Variants in MGAM2 observed in about 807,000 individuals in gnomAD.
MGAM2 encodes probable maltase-glucoamylase 2.
Under a neutral mutation model 96.1 loss-of-function variants are expected in MGAM2, and 98 were observed. That is an observed-to-expected ratio of 1.02 (90% CI 0.87 to 1.21). MGAM2 has a LOEUF of 1.21. MGAM2 is among the 50% of genes most tolerant of loss of function. The pLI is 0.00. For missense variants in MGAM2, 2,055 were observed against 1,182.4 expected (o/e 1.74, Z -10.82); for synonymous variants, 749 against 414.8 (o/e 1.81, Z -9.79).
chr7:142,136,577 T>G lies in MGAM2; in HGVS notation c.784T>G (p.Leu262Val). 1 of 702,692 alleles carries G rather than the reference T, an allele frequency of 1.4e-6. No individual in the cohort carries two copies. The highest frequency in any genetic ancestry group is 2.6e-6 in the Non-Finnish European group (1 of 384,532). The allele number at this position is 702,692 out of a possible 1,614,324, so 43.5% of individuals were successfully genotyped here. A position where few individuals can be genotyped will look rare whatever the true frequency, so the allele number is the denominator to read the frequency against. The change falls in exon 8 of 48, where the codon TTG becomes GTG. Residue 262 changes from leucine to valine, a missense_variant. Coordinates refer to ENST00000477922, the MANE Select transcript of MGAM2 (RefSeq NM_001293626.2). Reference sequence around the variant, plus strand: ...TCTGTATGGAGCTCATACATTCTTCTTGTGCCTTGAAGATGCCAGGGGCTC... The same window carrying G: ...TCTGTATGGAGCTCATACATTCTTCGTGTGCCTTGAAGATGCCAGGGGCTC... Reference protein sequence around the residue: ...INLYGAHTFFLCLEDARGSSF... With the variant: ...INLYGAHTFFVCLEDARGSSF...
At chr7:142,164,386 A>G (rs975010271) in intron 23 of MGAM2, among the ~76,000 whole-genome samples, 8 of 152,204 alleles carry the variant, frequency 5.3e-5, no homozygotes, top group African/African-American at 1.9e-4. Flanking sequence ...ATGAAGTAAT[A>G]CATGTCAAAT....
intron 3 of MGAM2, among the ~76,000 whole-genome samples, chr7:142,129,724 C>T: frequency 6.8e-6 from 1 of 146,840 alleles, no homozygotes; most frequent in African/African-American, 2.5e-5. Flanking sequence ...ACTCAGGAGG[C>T]TGAGGCAGTA....
rs1797936821 is a variant in MGAM2 at position 142,221,729 on chromosome 7, T to C, written c.7218T>C (p.Ala2406=). 1 of 409,354 alleles carries C rather than the reference T, an allele frequency of 2.4e-6. No individual in the cohort carries two copies. The highest frequency in any genetic ancestry group is 4.3e-6 in the Non-Finnish European group (1 of 231,652). The allele number at this position is 409,354 out of a possible 1,614,324, so 25.4% of individuals were successfully genotyped here. Residue 2406 remains alanine, a synonymous_variant, in exon 48 of 48, where the codon GCT becomes GCC. Transcript: ENST00000477922. ...TTLALSHTSL[A]PTNLSNLGTM... Reference sequence around the variant, plus strand: ...TGGCCTTAAGCCACACCTCATTAGCTCCTACAAATCTTTCTAATCTAGGCA... The same window carrying C: ...TGGCCTTAAGCCACACCTCATTAGCCCCTACAAATCTTTCTAATCTAGGCA...
intron 6 of MGAM2, among the ~76,000 whole-genome samples, chr7:142,133,311 G>A (rs1585149735): frequency 6.9e-6 from 1 of 145,506 alleles, no homozygotes; most frequent in South Asian, 2.1e-4. Context: ...TATTTAATAT[G>A]TTTATTTGTA....
intron 1 of MGAM2, among the ~76,000 whole-genome samples, chr7:142,115,710 T>A (rs1271795622): frequency 1.3e-5 from 2 of 152,058 alleles, no homozygotes; most frequent in Non-Finnish European, 2.9e-5. Flanking sequence ...CAGGGCATGG[T>A]GACGCATGCC....
At chr7:142,150,353 C>T (rs1260578080) in intron 15 of MGAM2, among the ~76,000 whole-genome samples, 1 of 152,160 alleles carries the variant, frequency 6.6e-6, no homozygotes, top group African/African-American at 2.4e-5. Context: ...CACATACGAT[C>T]AGTCCTTGAT....
chr7:142,147,206 C>T (rs1795413199), intron 14 of MGAM2, among the ~76,000 whole-genome samples: 1 of 152,144 alleles, frequency 6.6e-6, no homozygotes, highest in South Asian at 2.1e-4. Context: ...TCTCAGTTGC[C>T]TCCCCTCACC....
intron 1 of MGAM2, among the ~76,000 whole-genome samples, chr7:142,114,008 G>A (rs1817266838): frequency 6.6e-6 from 1 of 151,856 alleles, no homozygotes; most frequent in Admixed American, 6.6e-5. Flanking sequence ...GCGGGTGCCT[G>A]TAGTCCTAGC....
intron 17 of MGAM2, among the ~76,000 whole-genome samples, chr7:142,155,319 G>T (rs1168564298): frequency 1.3e-5 from 2 of 152,182 alleles, no homozygotes; most frequent in Non-Finnish European, 2.9e-5. Flanking sequence ...TACTTCTCAT[G>T]ACTCATTCCA....
intron 15 of MGAM2, among the ~76,000 whole-genome samples, chr7:142,153,240 T>G (rs1795638008): frequency 6.6e-6 from 1 of 152,110 alleles, no homozygotes; most frequent in South Asian, 2.1e-4. Context: ...GACCTCGTGA[T>G]CCACCCGCCT....
rs1050141339 is a variant in MGAM2 at position 142,197,716 on chromosome 7, T to G, written c.4854T>G (p.Pro1618=). 1.4e-6 allele frequency: 1 copy of G among 703,010 alleles called. No homozygotes were observed. Among genetic ancestry groups the G allele is most frequent in the East Asian group, 2.7e-5 (1 of 37,284 alleles). 43.5% of individuals were successfully genotyped at this position (703,010 alleles called of 1,614,324 possible). Residue 1618 remains proline, a synonymous_variant, in exon 42 of 48, where the codon CCT becomes CCG. Coordinates refer to ENST00000477922, the MANE Select transcript of MGAM2 (RefSeq NM_001293626.2). ...TGGGCCCTGCTATCTTAATCAGCCC[T>G]GTGTTGGAAACTGTGAGTTCTTCAT... The part of the protein sequence containing the change: ...FMLGPAILIS[P]VLETSTFEIS...
rs750596237 is a variant in MGAM2 at position 142,164,817 on chromosome 7, G to A, written c.2485-39G>A. The A allele has an allele frequency of 1.4e-5, 9 of 657,630 alleles. No homozygotes were observed. The South Asian group carries it at 1.6e-4, about 12-fold the overall frequency. 40.7% of individuals were successfully genotyped at this position (657,630 alleles called of 1,614,324 possible). On this transcript the variant is annotated intron_variant, in intron 23 of 47. Transcript: ENST00000477922. ...TATTTGGGGATAATAAGGGTCTGAA[G>A]TACCTGGTTTCCAATCTGACTTTTT...
chr7:142,172,630 A>G, intron 29 of MGAM2, 22 bp from the exon 30 acceptor site: 1 of 687,752 alleles, frequency 1.5e-6, no homozygotes, highest in Non-Finnish European at 2.6e-6. Context: ...GATGTGCCTC[A>G]TGTGTGTTGT....
chr7:142,162,995 A>G (rs1367887148), intron 23 of MGAM2, among the ~76,000 whole-genome samples: 3 of 152,068 alleles, frequency 2.0e-5, no homozygotes, highest in Non-Finnish European at 2.9e-5. Flanking sequence ...CGCCATTTCT[A>G]TAATTTTGTC....
intron 3 of MGAM2, among the ~76,000 whole-genome samples, chr7:142,128,799 G>A (rs1794799305): frequency 6.6e-6 from 1 of 152,224 alleles, no homozygotes; most frequent in Non-Finnish European, 1.5e-5. Context: ...TTCTGCATAG[G>A]TGGAGTCCTT....
intron 40 of MGAM2, among the ~76,000 whole-genome samples, 199 bp downstream of exon 40, chr7:142,197,015 G>T (rs1797063807): frequency 6.6e-6 from 1 of 152,168 alleles, no homozygotes; most frequent in African/African-American, 2.4e-5. Context: ...ATCTCCTGGA[G>T]AATTACTACC....
intron 32 of MGAM2, among the ~76,000 whole-genome samples, chr7:142,181,622 C>T (rs1445707889): frequency 6.6e-6 from 1 of 152,204 alleles, no homozygotes; most frequent in Non-Finnish European, 1.5e-5. Context: ...CCCTGACAGG[C>T]TGTGCTCTTC....
chr7:142,157,826 T>A (rs1325372136), intron 17 of MGAM2, 111 bp from the exon 18 acceptor site: 10 of 631,904 alleles, frequency 1.6e-5, no homozygotes, highest in East Asian at 1.1e-4. Context: ...AATGCTTTGA[T>A]ATTCTCCAAG....
chr7:142,117,142 T>C (rs1183902685), intron 2 of MGAM2, among the ~76,000 whole-genome samples, 163 bp downstream of exon 2: 1 of 152,202 alleles, frequency 6.6e-6, no homozygotes, highest in Non-Finnish European at 1.5e-5. Flanking sequence ...ATAAGTGTTC[T>C]TTTTCTGCAC....
Sources: gnomAD v4.1 joint callset for allele counts (sites outside exome capture counted in the v4.1 genomes callset) on GRCh38, gnomAD v4.1.1 for gene constraint, MANE v1.5 for transcripts, NCBI Gene and HGNC (gene_info 2026-07-23, HGNC 2026-07-21) for gene names.